Variants in MAP1B observed in about 807,000 individuals in gnomAD.
MAP1B encodes the protein microtubule-associated protein 1B.
Under a neutral mutation model 176.1 loss-of-function variants are expected in MAP1B, and 12 were observed. The ratio of observed to expected loss-of-function variants is 0.07; its 90% CI spans 0.04 to 0.11. The LOEUF is 0.11. Ranked by LOEUF, MAP1B falls within the 10% of genes least tolerant of loss-of-function variation. The pLI, the probability that MAP1B is intolerant of heterozygous loss-of-function variation, is 1.00. For synonymous variants in MAP1B, 1,044 were observed against 1,135.0 expected, an observed-to-expected ratio of 0.92 and a Z score of 1.61; for missense variants, 2,523 against 2,990.5, an observed-to-expected ratio of 0.84 and a Z score of 3.65.
chr5:72,197,709 A>G lies in MAP1B; in HGVS notation c.4354A>G (p.Ser1452Gly), dbSNP rs144161108. The change falls in exon 5 of 7, where the codon AGT becomes GGT. Residue 1452 changes from serine to glycine, a missense_variant. This residue lies in a region of MAP1B where 1,925 missense variants were observed against 2,126.0 expected (regional missense o/e 0.91). Transcript: ENST00000296755. ...TCCAGTTTCTGAAATGACTTCTACTAGTCTTTACCAAGACAAACAGGAAGG... is the reference window on the plus strand; with the variant it reads ...TCCAGTTTCTGAAATGACTTCTACTGGTCTTTACCAAGACAAACAGGAAGG... ...VSPVSEMTST[S>G]LYQDKQEGKS... 12 of 1,614,002 alleles carry G rather than the reference A, an allele frequency of 7.4e-6. No homozygotes were observed. Among genetic ancestry groups the G allele is most frequent in the Non-Finnish European group, 9.3e-6 (11 of 1,180,048 alleles).
At chr5:72,161,874 T>G (rs1746329440) in intron 2 of MAP1B, among the ~76,000 whole-genome samples, 2 of 149,104 alleles carry the variant, frequency 1.3e-5, no homozygotes, top group South Asian at 4.2e-4. Context: ...GGAGAATTGC[T>G]TGAACCCGGG....
intron 2 of MAP1B, among the ~76,000 whole-genome samples, chr5:72,183,484 G>C (rs1746823613): frequency 6.6e-6 from 1 of 152,222 alleles, no homozygotes; most frequent in Non-Finnish European, 1.5e-5. Flanking sequence ...AGGCTGCCTA[G>C]ACCGACCCTG....
chr5:72,174,560 T>C (rs1670561981), intron 2 of MAP1B, among the ~76,000 whole-genome samples: 1 of 152,230 alleles, frequency 6.6e-6, no homozygotes, highest in African/African-American at 2.4e-5. Flanking sequence ...TTTCTTACAC[T>C]GTATGAGTGA....
rs763989865 is a variant in MAP1B, at chr5:72,194,882, C to A, written c.1527C>A (p.Asp509Glu). The change falls in exon 5 of 7, where the codon GAC becomes GAA. Residue 509 changes from aspartate (D) to glutamate (E), a missense_variant. Physicochemically the swap from Asp to Glu is conservative, Grantham distance 45. Around this residue, in one of 4 missense-constraint regions of MAP1B, gnomAD observed 1,925 missense variants for 2,126.0 expected, o/e 0.91. Transcript: ENST00000296755. The surrounding 1 kb of genome is among the most constrained non-coding windows in gnomAD (Gnocchi z 7.2). ...GGTTGGAAAAGCTCAAACATCTAGACTTTCTGAAGCAGCCACTGGCCACCC... is the reference window on the plus strand; with the variant it reads ...GGTTGGAAAAGCTCAAACATCTAGAATTTCTGAAGCAGCCACTGGCCACCC... The part of the protein sequence containing the change: ...LEGLEKLKHL[D>E]FLKQPLATQK... The A allele has an allele frequency of 1.9e-6, 3 of 1,614,122 alleles. No homozygotes were observed. Among genetic ancestry groups the A allele is most frequent in the Non-Finnish European group, 2.5e-6 (3 of 1,179,998 alleles).
At chr5:72,184,823 T>A (rs2112214636) in intron 3 of MAP1B, among the ~76,000 whole-genome samples, 1 of 152,358 alleles carries the variant, frequency 6.6e-6, no homozygotes, top group Admixed American at 6.5e-5. Flanking sequence ...TAAATGGAGA[T>A]ATAATTCAAG....
At chr5:72,111,893 C>T (rs1304964706) in intron 1 of MAP1B, among the ~76,000 whole-genome samples, 1 of 151,940 alleles carries the variant, frequency 6.6e-6, no homozygotes, top group Non-Finnish European at 1.5e-5. Context: ...ACTATGAGCT[C>T]TGTATGTAAG....
rs751017289 is a variant in MAP1B, at chr5:72,198,414, G to C, written c.5059G>C (p.Val1687Leu). ...CATCACTGAAAATGGGCCAACTGAA[G>C]TGGACTACAGTCCTTCTGACATGCA... ...LHITENGPTEVDYSPSDMQDS... is the reference protein window; with the variant it reads ...LHITENGPTELDYSPSDMQDS... Residue 1687 changes from valine (V) to leucine (L), a missense_variant, in exon 5 of 7, where the codon GTG (valine) becomes CTG (leucine). Transcript: ENST00000296755. The C allele has an allele frequency of 2.5e-6, 4 of 1,614,066 alleles. No individual in the cohort carries two copies. The South Asian group carries it at 4.4e-5, about 18-fold the overall frequency.
intron 2 of MAP1B, among the ~76,000 whole-genome samples, chr5:72,164,476 G>C (rs927649676): frequency 2.6e-5 from 4 of 152,134 alleles, no homozygotes; most frequent in African/African-American, 9.7e-5. Context: ...TATTCTCTGG[G>C]TCTCTTCTTA....
chr5:72,148,863 A>G (rs925467614), intron 2 of MAP1B, among the ~76,000 whole-genome samples: 1 of 152,186 alleles, frequency 6.6e-6, no homozygotes, highest in Non-Finnish European at 1.5e-5. Context: ...TCCAACTTGG[A>G]GCATTCACAT....
Position 72,107,697 on chromosome 5 carries a change from A to T in MAP1B, c.166A>T (p.Ile56Phe). 1 of 1,599,452 alleles carries T rather than the reference A, an allele frequency of 6.3e-7. No individual in the cohort carries two copies. Among genetic ancestry groups the T allele is most frequent in the Non-Finnish European group, 8.5e-7 (1 of 1,179,538 alleles). Residue 56 changes from isoleucine (I) to phenylalanine (F), a missense_variant, in exon 1 of 7, where the codon ATC becomes TTC. Around this residue, in one of 4 missense-constraint regions of MAP1B, gnomAD observed 307 missense variants for 438.4 expected, o/e 0.70. Transcript: ENST00000296755. ...IVTEEHLRRA[I>F]GNIELGIRSW... is the part of the protein sequence containing the mutation. ...GACCGAGGAGCACCTGCGGCGTGCC[A>T]TCGGCAACATCGAGCTCGGTAAGTG...
chr5:72,158,297 C>G (rs527594968), intron 2 of MAP1B, among the ~76,000 whole-genome samples: 1 of 151,996 alleles, frequency 6.6e-6, no homozygotes, highest in African/African-American at 2.4e-5. Context: ...CATAAGCCAC[C>G]GTGCCTGGCC....
intron 2 of MAP1B, among the ~76,000 whole-genome samples, chr5:72,153,380 A>G (rs1023606651): frequency 1.3e-5 from 2 of 152,138 alleles, no homozygotes; most frequent in African/African-American, 4.8e-5. Flanking sequence ...AGAACCACTC[A>G]TATAAAGGCA....
Position 72,186,263 on chromosome 5 carries a change from T to C in MAP1B, c.370-351T>C, listed in dbSNP as rs1181811218. ...ACCACGTGCTGCTAGCAGACATTTCTAACAGCTGTGGAACAAATGATTACC... is the reference window on the plus strand; with the variant it reads ...ACCACGTGCTGCTAGCAGACATTTCCAACAGCTGTGGAACAAATGATTACC... On this transcript the variant is annotated intron_variant, in intron 3 of 6. Transcript: ENST00000296755. The surrounding 1 kb of genome is among the most constrained non-coding windows in gnomAD (Gnocchi z 4.3). Among the ~76,000 whole-genome samples the C allele has an allele frequency of 2.0e-5, 3 of 152,198 alleles. No homozygotes were observed. In the East Asian group the frequency reaches 5.8e-4, roughly 29 times the overall value.
chr5:72,121,124 A>G (rs968697780), intron 2 of MAP1B, among the ~76,000 whole-genome samples: 2 of 152,120 alleles, frequency 1.3e-5, no homozygotes, highest in African/African-American at 4.8e-5. Context: ...GTTGGAGACC[A>G]TTTGCAAAAT....
chr5:72,139,839 C>T (rs1427309694), intron 2 of MAP1B, among the ~76,000 whole-genome samples: 2 of 152,260 alleles, frequency 1.3e-5, no homozygotes, highest in African/African-American at 4.8e-5. Flanking sequence ...AAAATTGAGA[C>T]TTTAGAGGCA....
intron 2 of MAP1B, among the ~76,000 whole-genome samples, chr5:72,171,172 C>G (rs1042190607): frequency 6.6e-6 from 1 of 152,112 alleles, no homozygotes; most frequent in Non-Finnish European, 1.5e-5. Flanking sequence ...AAAACATGAG[C>G]AAATATGGTG....
At chr5:72,126,896 T>C (rs1745641826) in intron 2 of MAP1B, among the ~76,000 whole-genome samples, 1 of 152,260 alleles carries the variant, frequency 6.6e-6, no homozygotes, top group South Asian at 2.1e-4. Context: ...AATTTAATCA[T>C]GTTTGCACAA....
rs1561315287 is a variant in MAP1B at position 72,196,581 on chromosome 5, T to G, written c.3226T>G (p.Ser1076Ala). The G allele has an allele frequency of 1.2e-6, 2 of 1,613,770 alleles. No homozygotes were observed. Among genetic ancestry groups the G allele is most frequent in the Non-Finnish European group, 1.7e-6 (2 of 1,180,004 alleles). ...TTPTKQLGAQ[S>A]PGREPASSIH... ...ACCAACCAAGCAACTAGGAGCCCAG[T>G]CTCCTGGCCGAGAACCTGCATCTTC... Residue 1076 changes from serine to alanine, a missense_variant, in exon 5 of 7, where the codon TCT becomes GCT. Physicochemically the swap from Ser to Ala is moderately conservative, Grantham distance 99. Transcript: ENST00000296755. The surrounding 1 kb of genome is among the most constrained non-coding windows in gnomAD (Gnocchi z 5.3).
At chr5:72,122,070 A>G (rs565253410) in intron 2 of MAP1B, among the ~76,000 whole-genome samples, 1 of 152,236 alleles carries the variant, frequency 6.6e-6, no homozygotes, top group East Asian at 1.9e-4. Flanking sequence ...AAATCGTGGT[A>G]TGTTAGAAGA....
Sources: gnomAD v4.1 joint callset for allele counts (sites outside exome capture counted in the v4.1 genomes callset) on GRCh38, gnomAD v4.1.1 for gene constraint, gnomAD v4.1.1 regional missense constraint, Gnocchi (gnomAD v3.1) non-coding constraint, MANE v1.5 for transcripts, NCBI Gene and HGNC (gene_info 2026-07-23, HGNC 2026-07-21) for gene names.